EXTL3: variants seen among roughly 807,000 people sequenced by gnomAD.
EXTL3 encodes the protein exostosin-like 3.
EXTL3 carries 27 observed loss-of-function variants against 69.3 expected under a neutral mutation model. That is an observed-to-expected ratio of 0.39 (90% CI 0.29 to 0.54). The LOEUF (loss-of-function observed/expected upper bound fraction) is 0.54, where lower values mean the gene tolerates loss of function less well. Among genes scored for constraint, EXTL3 ranks in the 20% least tolerant of loss-of-function variants. EXTL3 has a pLI of 0.69. For synonymous variants in EXTL3, 511 were observed against 499.4 expected (o/e 1.02, Z -0.31); for missense variants, 1,003 against 1,231.8 (o/e 0.81, Z 2.78).
intron 1 of EXTL3, among the ~76,000 whole-genome samples, chr8:28,640,110 G>GA (rs560571707): frequency 4.0e-5 from 6 of 150,882 alleles, no homozygotes; most frequent in African/African-American, 7.3e-5. Context: ...AAAAAAAGAA[G>GA]AAAAAAAAAT....
intron 3 of EXTL3, among the ~76,000 whole-genome samples, chr8:28,727,130 C>T (rs1460691905): frequency 6.6e-6 from 1 of 152,118 alleles, no homozygotes; most frequent in African/African-American, 2.4e-5. Context: ...AGGTGATCCA[C>T]CCGCCTTGGC....
intron 2 of EXTL3, among the ~76,000 whole-genome samples, chr8:28,714,506 T>C (rs1256177047): frequency 6.6e-6 from 1 of 152,196 alleles, no homozygotes; most frequent in East Asian, 1.9e-4. Flanking sequence ...ATCTTATCTC[T>C]TAGGGTAAGG....
intron 3 of EXTL3, 76 bp from the exon 4 acceptor site, chr8:28,731,147 T>A: frequency 6.3e-7 from 1 of 1,589,614 alleles, no homozygotes; most frequent in Non-Finnish European, 8.6e-7. Context: ...ATGGTCTCCT[T>A]GGACCTAAAT....
At chr8:28,609,875 G>A (rs1033236662) in intron 2 of EXTL3, among the ~76,000 whole-genome samples, 3 of 148,666 alleles carry the variant, frequency 2.0e-5, no homozygotes, top group African/African-American at 5.0e-5. Flanking sequence ...GGATGATAGA[G>A]TGAGACACTG....
intron 1 of EXTL3, among the ~76,000 whole-genome samples, chr8:28,694,214 C>T (rs1183666637): frequency 2.0e-5 from 3 of 152,160 alleles, no homozygotes; most frequent in African/African-American, 7.2e-5. Flanking sequence ...TGGGGGCCCC[C>T]AAGAGAGCAT....
intron 1 of EXTL3, among the ~76,000 whole-genome samples, chr8:28,632,210 C>T (rs1028082444): frequency 8.6e-5 from 13 of 151,968 alleles, no homozygotes; most frequent in Non-Finnish European, 1.9e-4. Flanking sequence ...AGTTCAAGAC[C>T]AGCCTGACCA....
chr8:28,693,750 C>G (rs1161568009), intron 1 of EXTL3, among the ~76,000 whole-genome samples: 1 of 152,198 alleles, frequency 6.6e-6, no homozygotes, highest in Non-Finnish European at 1.5e-5. Flanking sequence ...GTAATGAGTG[C>G]TATCCCTGGA....
intron 1 of EXTL3, among the ~76,000 whole-genome samples, chr8:28,653,067 G>T (rs761546351): frequency 6.6e-6 from 1 of 152,180 alleles, no homozygotes; most frequent in Non-Finnish European, 1.5e-5. Context: ...CACTCTTGGT[G>T]TTGGTATGCA....
In EXTL3 at chr8:28,690,689, C is replaced by T. The variant is rs1305883208; in HGVS notation, c.-52-22768C>T. ...TCATGTGGCTGTTGGCAGGAAGCCTCAGTCCCTCACCTGGGCGTCTCCATA... is the reference window on the plus strand; with the variant it reads ...TCATGTGGCTGTTGGCAGGAAGCCTTAGTCCCTCACCTGGGCGTCTCCATA... On this transcript the variant is annotated intron_variant, in intron 1 of 6. Coordinates refer to the EXTL3 transcript ENST00000523149. Among the ~76,000 whole-genome samples, 4 of 152,314 alleles carry T rather than the reference C, an allele frequency of 2.6e-5. No homozygotes were observed. In the East Asian group the frequency reaches 7.7e-4, roughly 29 times the overall value.
At chr8:28,691,959 T>C (rs1223369007) in intron 1 of EXTL3, among the ~76,000 whole-genome samples, 1 of 152,156 alleles carries the variant, frequency 6.6e-6, no homozygotes, top group African/African-American at 2.4e-5. Context: ...AATAGAGCAT[T>C]ATTGAAGCCT....
chr8:28,723,762 C>T (rs1340917236), intron 3 of EXTL3, among the ~76,000 whole-genome samples: 2 of 151,734 alleles, frequency 1.3e-5, no homozygotes, highest in African/African-American at 4.8e-5. Context: ...GTACCTCAGC[C>T]TCTTTTGTAG....
intron 1 of EXTL3, among the ~76,000 whole-genome samples, chr8:28,686,428 C>T (rs754874032): frequency 2.0e-5 from 3 of 151,948 alleles, no homozygotes; most frequent in Admixed American, 2.0e-4. Context: ...GAGGTTCTTG[C>T]CAATTGGACA....
At chr8:28,612,478 GA>G (rs1563424280) in intron 2 of EXTL3, among the ~76,000 whole-genome samples, 2 of 144,808 alleles carry the variant, frequency 1.4e-5, no homozygotes, top group African/African-American at 2.6e-5. Context: ...AAAAAAAAAA[GA>G]AAAAAGAAAA....
At chr8:28,658,037 T>C (rs1165898971) in intron 1 of EXTL3, among the ~76,000 whole-genome samples, 1 of 152,048 alleles carries the variant, frequency 6.6e-6, no homozygotes, top group Non-Finnish European at 1.5e-5. Flanking sequence ...GAGGGTGGGG[T>C]TGGACTCTGG....
intron 1 of EXTL3, among the ~76,000 whole-genome samples, chr8:28,675,346 A>T (rs1230867646): frequency 2.6e-5 from 4 of 152,218 alleles, no homozygotes; most frequent in Admixed American, 6.5e-5. Context: ...ACTTGCTGAC[A>T]TCAAGGCACC....
At chr8:28,706,298 C>CA (rs1800921170) in intron 1 of EXTL3, among the ~76,000 whole-genome samples, 1 of 152,120 alleles carries the variant, frequency 6.6e-6, no homozygotes, top group East Asian at 1.9e-4. Flanking sequence ...TTACAAATGG[C>CA]AAATTACTTT....
At chr8:28,708,152 C>A (rs758531522) in intron 1 of EXTL3, among the ~76,000 whole-genome samples, 1 of 152,178 alleles carries the variant, frequency 6.6e-6, no homozygotes, top group Non-Finnish European at 1.5e-5. Flanking sequence ...GTAATAAGGG[C>A]GGCTCAAACT....
intron 4 of EXTL3, among the ~76,000 whole-genome samples, chr8:28,735,784 A>G (rs932197755): frequency 1.3e-5 from 2 of 152,250 alleles, no homozygotes; most frequent in African/African-American, 2.4e-5. Flanking sequence ...AAAGAGGCAG[A>G]TACAATCAAT....
chr8:28,626,668 A>G (rs769257069), intron 1 of EXTL3, among the ~76,000 whole-genome samples: 39 of 152,208 alleles, frequency 2.6e-4, no homozygotes, highest in Non-Finnish European at 5.0e-4. Flanking sequence ...GAGTATTATT[A>G]GCCCACTTCC....
Sources: allele counts gnomAD v4.1 joint callset (sites outside exome capture counted in the v4.1 genomes callset), GRCh38; gene constraint gnomAD v4.1.1; transcripts MANE v1.5; gene names NCBI Gene and HGNC (gene_info 2026-07-23, HGNC 2026-07-21).